The following MAML3 variants were observed in gnomAD, a reference collection of about 807,000 sequenced individuals.
The protein encoded by MAML3 is mastermind like transcriptional coactivator 3, also known as mastermind-like protein 3.
In MAML3, 27 loss-of-function variants were observed where a neutral mutation model predicts 101.9. The observed-to-expected ratio is 0.27, with a 90% CI of 0.20 to 0.37. The LOEUF is 0.37. Among genes scored for constraint, MAML3 ranks in the 10% least tolerant of loss-of-function variants. MAML3 has a pLI of 1.00. For synonymous variants in MAML3, 501 were observed against 555.9 expected (o/e 0.90, Z 1.39); for missense variants, 1,316 against 1,444.9 (o/e 0.91, Z 1.45).
intron 1 of MAML3, among the ~76,000 whole-genome samples, chr4:140,131,526 A>G (rs1441470378): frequency 1.3e-5 from 2 of 152,282 alleles, no homozygotes; most frequent in African/African-American, 4.8e-5. Flanking sequence ...AAGGAAAAGT[A>G]GAATGGAATT....
intron 1 of MAML3, chr4:140,134,034 C>T (rs1010123053): frequency 2.3e-6 from 1 of 440,000 alleles, no homozygotes; most frequent in South Asian, 1.6e-5. Flanking sequence ...CCATCTCTCC[C>T]ATCTCTCCCT....
chr4:140,005,481 A>G (rs544121621), intron 1 of MAML3, among the ~76,000 whole-genome samples: 113 of 152,372 alleles, frequency 7.4e-4, no homozygotes, highest in Non-Finnish European at 1.0e-3. Context: ...CACTTACTAA[A>G]TAACGCTCCA....
intron 1 of MAML3, among the ~76,000 whole-genome samples, chr4:139,977,043 C>T (rs755869271): frequency 6.6e-5 from 10 of 152,110 alleles, no homozygotes; most frequent in Non-Finnish European, 1.3e-4. Flanking sequence ...GGCAGAGCCT[C>T]ATGAATGGGA....
intron 1 of MAML3, among the ~76,000 whole-genome samples, chr4:140,017,024 A>T (rs1327155762): frequency 6.6e-6 from 1 of 152,230 alleles, no homozygotes; most frequent in Admixed American, 6.5e-5. Flanking sequence ...GAACAATCAC[A>T]TGTTGGGAGA....
chr4:139,906,422 T>C (rs563122573), intron 1 of MAML3, among the ~76,000 whole-genome samples: 2 of 152,042 alleles, frequency 1.3e-5, no homozygotes, highest in South Asian at 4.2e-4. Flanking sequence ...TAGTAAGTGT[T>C]TGTTCCCTGC....
chr4:139,764,790 G>A (rs1381184939), intron 2 of MAML3, among the ~76,000 whole-genome samples: 2 of 152,198 alleles, frequency 1.3e-5, no homozygotes, highest in Non-Finnish European at 2.9e-5. Flanking sequence ...ACAGGTACAA[G>A]CACTGTCCAC....
intron 2 of MAML3, among the ~76,000 whole-genome samples, chr4:139,858,943 G>A (rs972668737): frequency 1.3e-5 from 2 of 152,150 alleles, no homozygotes; most frequent in African/African-American, 4.8e-5. Context: ...AGCAGTATCT[G>A]TCTACTATGA....
chr4:139,895,633 C>T (rs1032901220), intron 1 of MAML3, among the ~76,000 whole-genome samples: 3 of 152,192 alleles, frequency 2.0e-5, no homozygotes, highest in Non-Finnish European at 4.4e-5. Flanking sequence ...CTTACTGGAT[C>T]TTCAAAACAC....
At chr4:139,767,576 T>A (rs1206468952) in intron 2 of MAML3, among the ~76,000 whole-genome samples, 1 of 152,252 alleles carries the variant, frequency 6.6e-6, no homozygotes, top group Non-Finnish European at 1.5e-5. Flanking sequence ...ATGTGTGTGA[T>A]ATATTACATT....
At chr4:139,773,237 A>G (rs1186083751) in intron 2 of MAML3, among the ~76,000 whole-genome samples, 2 of 152,166 alleles carry the variant, frequency 1.3e-5, no homozygotes, top group Non-Finnish European at 2.9e-5. Flanking sequence ...GAAAAAAGGC[A>G]GAAGAGTTCA....
At chr4:139,948,422 A>G (rs940427343) in intron 1 of MAML3, among the ~76,000 whole-genome samples, 1 of 152,198 alleles carries the variant, frequency 6.6e-6, no homozygotes, top group African/African-American at 2.4e-5. Flanking sequence ...CACATCTGCT[A>G]TTTTCTCATC....
rs1407407153 is a variant in MAML3, at chr4:139,719,362, C to T, written c.3378G>A (p.Glu1126=). 2.5e-6 allele frequency: 4 copies of T among 1,608,204 alleles called. No homozygotes were observed. The East Asian group carries it at 8.9e-5, about 36-fold the overall frequency. Residue 1126 remains glutamate (E), a synonymous_variant, in exon 5 of 5, where the codon GAG becomes GAA. Transcript: ENST00000509479. ...DSIIKGGPGD[E]WMQELDELFG... ...ACAATTCATCAAGCTCCTGCATCCACTCGTCCCCTGGCCCGCCTTTGATGA... is the reference window on the plus strand; with the variant it reads ...ACAATTCATCAAGCTCCTGCATCCATTCGTCCCCTGGCCCGCCTTTGATGA...
chr4:139,794,855 A>G (rs1219331876), intron 2 of MAML3, among the ~76,000 whole-genome samples: 2 of 152,242 alleles, frequency 1.3e-5, no homozygotes, highest in Admixed American at 6.5e-5. Flanking sequence ...TGCTTAACAG[A>G]CTAGGGTCAG....
chr4:139,929,497 G>C (rs1262964915), intron 1 of MAML3, among the ~76,000 whole-genome samples: 1 of 152,208 alleles, frequency 6.6e-6, no homozygotes, highest in Non-Finnish European at 1.5e-5. Flanking sequence ...TTAGAACACT[G>C]AAGTTAGAAT....
At chr4:139,847,586 T>C (rs905916354) in intron 2 of MAML3, among the ~76,000 whole-genome samples, 2 of 152,228 alleles carry the variant, frequency 1.3e-5, no homozygotes, top group African/African-American at 4.8e-5. Flanking sequence ...CAAAGTGCCA[T>C]TGCTAGCACT....
At chr4:139,999,965 C>A (rs1303738504) in intron 1 of MAML3, among the ~76,000 whole-genome samples, 1 of 152,180 alleles carries the variant, frequency 6.6e-6, no homozygotes, top group Non-Finnish European at 1.5e-5. Flanking sequence ...TTTCTGCCCA[C>A]TATGTTTCAC....
intron 1 of MAML3, among the ~76,000 whole-genome samples, chr4:140,020,132 T>C (rs932219105): frequency 2.6e-5 from 4 of 152,236 alleles, no homozygotes; most frequent in Non-Finnish European, 5.9e-5. Flanking sequence ...ACTGTGTTGC[T>C]GTACTGCATT....
chr4:139,824,893 T>C (rs983649421), intron 2 of MAML3, among the ~76,000 whole-genome samples: 5 of 151,960 alleles, frequency 3.3e-5, no homozygotes, highest in Non-Finnish European at 7.4e-5. Context: ...GCCTCTATTT[T>C]TCAGTTCTTG....
intron 2 of MAML3, among the ~76,000 whole-genome samples, chr4:139,778,982 C>CAAAA (rs67782985): frequency 1.4e-3 from 141 of 100,632 alleles, no homozygotes; most frequent in East Asian, 0.014. Flanking sequence ...GACTCCACCT[C>CAAAA]AAAAAAAAAA....
Sources: allele counts gnomAD v4.1 joint callset (sites outside exome capture counted in the v4.1 genomes callset), GRCh38; gene constraint gnomAD v4.1.1; transcripts MANE v1.5; gene names NCBI Gene and HGNC (gene_info 2026-07-23, HGNC 2026-07-21).